DLG2: variants seen among roughly 807,000 people sequenced by gnomAD.
The protein encoded by DLG2 is disks large homolog 2.
A neutral mutation model predicts 132.5 loss-of-function variants in DLG2; 45 were observed. The ratio of observed to expected loss-of-function variants is 0.34; its 90% CI spans 0.27 to 0.44. The LOEUF is 0.44. DLG2 is among the 20% of genes least tolerant of loss of function. The probability of loss-of-function intolerance (pLI) is 1.00; values close to 1 mark genes in which losing one functional copy is unlikely to be tolerated. For synonymous variants in DLG2, 424 were observed against 419.6 expected, an observed-to-expected ratio of 1.01 and a Z score of -0.13; for missense variants, 1,045 against 1,196.9, an observed-to-expected ratio of 0.87 and a Z score of 1.87.
intron 7 of DLG2, among the ~76,000 whole-genome samples, chr11:84,426,479 T>C (rs979551188): frequency 1.3e-5 from 2 of 152,154 alleles, no homozygotes; most frequent in African/African-American, 4.8e-5. Flanking sequence ...TTGACCTTTC[T>C]TTGCCTCATC....
In DLG2 at chr11:83,566,295, G is replaced by T. The variant is rs751960742; in HGVS notation, c.1941-24437C>A. Among the ~76,000 whole-genome samples, 4 of 152,164 alleles carry T rather than the reference G, an allele frequency of 2.6e-5. No homozygotes were observed. In the South Asian group the frequency reaches 8.3e-4, roughly 31 times the overall value. The stretch of plus-strand genomic sequence containing the variant: ...TTTCCTAATAGGTCAGCAACTTTAT[G>T]TTCTATCTGTGGGTGCCTGTCCTGA... On this transcript the variant is annotated intron_variant, in intron 19 of 27. Transcript: ENST00000376104.
chr11:85,129,679 C>T (rs772234000), intron 5 of DLG2, among the ~76,000 whole-genome samples: 1 of 152,066 alleles, frequency 6.6e-6, no homozygotes, highest in Non-Finnish European at 1.5e-5. Context: ...CTAGAAATAC[C>T]ATTTGACCCA....
intron 11 of DLG2, among the ~76,000 whole-genome samples, chr11:83,996,391 A>G (rs1040130194): frequency 1.6e-4 from 25 of 152,200 alleles, no homozygotes; most frequent in African/African-American, 6.0e-4. Context: ...AATTAGTACA[A>G]CCACTATGGA....
At chr11:85,345,772 A>C (rs2082790485) in intron 3 of DLG2, among the ~76,000 whole-genome samples, 1 of 152,060 alleles carries the variant, frequency 6.6e-6, no homozygotes, top group South Asian at 2.1e-4. Flanking sequence ...TTTTAGAAAA[A>C]TTACCATTGA....
At chr11:84,006,061 G>C (rs1002279751) in intron 11 of DLG2, among the ~76,000 whole-genome samples, 1 of 151,762 alleles carries the variant, frequency 6.6e-6, no homozygotes, top group African/African-American at 2.4e-5. Flanking sequence ...CAATAGCAAA[G>C]ACATGAAATC....
intron 3 of DLG2, among the ~76,000 whole-genome samples, chr11:85,407,620 A>G (rs2088881028): frequency 6.6e-6 from 1 of 151,808 alleles, no homozygotes; most frequent in Non-Finnish European, 1.5e-5. Flanking sequence ...GGGAGTCACG[A>G]AGCAGCACAA....
intron 3 of DLG2, among the ~76,000 whole-genome samples, chr11:85,582,093 C>A (rs1213305919): frequency 6.6e-6 from 1 of 152,036 alleles, no homozygotes. Context: ...CTGATTTTTG[C>A]CCCCCAATGA....
intron 6 of DLG2, among the ~76,000 whole-genome samples, chr11:84,921,793 T>C (rs564615087): frequency 1.1e-4 from 17 of 152,172 alleles, no homozygotes; most frequent in Non-Finnish European, 2.2e-4. Flanking sequence ...AAGATGATAA[T>C]AGAGAAAATC....
At chr11:84,468,780 T>C (rs1209054295) in intron 7 of DLG2, among the ~76,000 whole-genome samples, 1 of 151,708 alleles carries the variant, frequency 6.6e-6, no homozygotes, top group Non-Finnish European at 1.5e-5. Flanking sequence ...TAGAGTTTAA[T>C]ATACAAACCA....
intron 7 of DLG2, among the ~76,000 whole-genome samples, chr11:84,292,750 A>AT (rs1182270953): frequency 6.6e-6 from 1 of 152,066 alleles, no homozygotes; most frequent in Non-Finnish European, 1.5e-5. Flanking sequence ...GGTACTTCTT[A>AT]TTTTTTCAGA....
chr11:85,614,320 T>G (rs1275961758), intron 2 of DLG2, among the ~76,000 whole-genome samples: 2 of 144,510 alleles, frequency 1.4e-5, no homozygotes, highest in African/African-American at 2.9e-5. Flanking sequence ...GAACCAGGTT[T>G]TTTTTTTTTT....
intron 3 of DLG2, among the ~76,000 whole-genome samples, chr11:85,377,805 G>A (rs58456856): frequency 0.14 from 6,962 of 51,166 alleles, 220 homozygotes; most frequent in African/African-American, 0.17. Context: ...ATATATATAT[G>A]TGTGTGTGTG....
At chr11:85,434,417 TA>T (rs1208309875) in intron 3 of DLG2, among the ~76,000 whole-genome samples, 2 of 145,244 alleles carry the variant, frequency 1.4e-5, no homozygotes, top group East Asian at 4.0e-4. Context: ...AAAAAAAAAA[TA>T]GACCACTAAC....
chr11:84,935,055 T>C (rs1387552337), intron 6 of DLG2, among the ~76,000 whole-genome samples: 1 of 152,190 alleles, frequency 6.6e-6, no homozygotes, highest in Non-Finnish European at 1.5e-5. Flanking sequence ...ACTTCATTTA[T>C]CCAGTTACAT....
chr11:85,567,091 G>A (rs1353586486), intron 3 of DLG2, among the ~76,000 whole-genome samples: 1 of 152,112 alleles, frequency 6.6e-6, no homozygotes, highest in Non-Finnish European at 1.5e-5. Flanking sequence ...AATAACTTTT[G>A]AAATTGGGAA....
chr11:83,520,693 AGG>A (rs2095450581), intron 21 of DLG2, among the ~76,000 whole-genome samples: 1 of 136,028 alleles, frequency 7.4e-6, no homozygotes, highest in Non-Finnish European at 1.5e-5. Flanking sequence ...GTAAGTAGGT[AGG>A]TAGATAGATA....
chr11:83,888,110 C>T (rs1394529779), intron 15 of DLG2, among the ~76,000 whole-genome samples: 4 of 148,906 alleles, frequency 2.7e-5, no homozygotes, highest in Non-Finnish European at 5.9e-5. Context: ...GGCAATTAGG[C>T]AGGAGAAGGA....
intron 6 of DLG2, among the ~76,000 whole-genome samples, chr11:84,982,887 G>A (rs761602338): frequency 7.9e-5 from 12 of 152,032 alleles, no homozygotes; most frequent in Admixed American, 4.6e-4. Flanking sequence ...ACACCCACTC[G>A]TGATAATAAT....
At chr11:83,975,161 T>C (rs1272351202) in intron 12 of DLG2, among the ~76,000 whole-genome samples, 1 of 152,070 alleles carries the variant, frequency 6.6e-6, no homozygotes, top group Non-Finnish European at 1.5e-5. Flanking sequence ...TATTGGGCTA[T>C]ATGTATCACC....
Sources: gnomAD v4.1 joint callset for allele counts (sites outside exome capture counted in the v4.1 genomes callset) on GRCh38, gnomAD v4.1.1 for gene constraint, MANE v1.5 for transcripts, NCBI Gene and HGNC (gene_info 2026-07-23, HGNC 2026-07-21) for gene names.